The following VDAC1 variants were observed in gnomAD, a reference collection of about 807,000 sequenced individuals.
VDAC1 encodes the protein non-selective voltage-gated ion channel VDAC1.
Under a neutral mutation model 34.7 loss-of-function variants are expected in VDAC1, and 10 were observed. That is an observed-to-expected ratio of 0.29 (90% CI 0.18 to 0.49). The LOEUF (loss-of-function observed/expected upper bound fraction) is 0.49, where lower values mean the gene tolerates loss of function less well. Among genes scored for constraint, VDAC1 ranks in the 20% least tolerant of loss-of-function variants. The pLI is 0.99. For synonymous variants in VDAC1, 130 were observed against 136.0 expected, an observed-to-expected ratio of 0.96 and a Z score of 0.30; for missense variants, 230 against 347.9, an observed-to-expected ratio of 0.66 and a Z score of 2.69.
the VDAC1 span, among the ~76,000 whole-genome samples, chr5:134,026,230 G>A: frequency 2.0e-5 from 3 of 152,154 alleles, no homozygotes; most frequent in African/African-American, 7.2e-5. Context: ...CTAAATGGCT[G>A]GGTGTGGTGG....
the VDAC1 span, among the ~76,000 whole-genome samples, chr5:134,091,100 A>G: frequency 6.6e-6 from 1 of 152,234 alleles, no homozygotes; most frequent in African/African-American, 2.4e-5. Flanking sequence ...AATTAAGGCC[A>G]TAGGGTAGGG....
upstream of VDAC1, among the ~76,000 whole-genome samples, chr5:134,007,953 G>A (rs1175504263): frequency 6.6e-6 from 1 of 152,144 alleles, no homozygotes; most frequent in Non-Finnish European, 1.5e-5. Flanking sequence ...TGTGGGGACA[G>A]GACAATCCTA....
chr5:134,050,466 C>T, the VDAC1 span, among the ~76,000 whole-genome samples: 1 of 152,088 alleles, frequency 6.6e-6, no homozygotes, highest in South Asian at 2.1e-4. Context: ...TTCCAAGCCC[C>T]CCCAGCAACT....
chr5:134,006,838 C>G (rs1753763861), upstream of VDAC1, among the ~76,000 whole-genome samples: 1 of 150,318 alleles, frequency 6.7e-6, no homozygotes, highest in Non-Finnish European at 1.5e-5. Context: ...CCCCTAGGTG[C>G]TAGTTTCAGA....
the VDAC1 span, among the ~76,000 whole-genome samples, chr5:134,097,742 A>T: frequency 6.6e-6 from 1 of 152,200 alleles, no homozygotes; most frequent in Non-Finnish European, 1.5e-5. Context: ...AATGAGGCCC[A>T]CAGACATAGA....
the VDAC1 span, among the ~76,000 whole-genome samples, chr5:134,082,479 C>A: frequency 3.9e-5 from 6 of 152,290 alleles, no homozygotes; most frequent in East Asian, 9.6e-4. Flanking sequence ...TATTGGTAGA[C>A]ATTATGGTTG....
chr5:133,976,211 G>C (rs1343171522), intron 6 of VDAC1, 190 bp from the exon 7 acceptor site: 11 of 644,764 alleles, frequency 1.7e-5, no homozygotes, highest in Non-Finnish European at 2.6e-5. Context: ...TGATAAGTAT[G>C]GAACAGGCAC....
chr5:134,095,171 C>T, the VDAC1 span, among the ~76,000 whole-genome samples: 1 of 152,116 alleles, frequency 6.6e-6, no homozygotes, highest in Non-Finnish European at 1.5e-5. Context: ...ATTTAACATG[C>T]AAATATACGT....
the VDAC1 span, among the ~76,000 whole-genome samples, chr5:134,065,356 TTTTGAGACAGAG>T: frequency 2.0e-5 from 3 of 149,340 alleles, no homozygotes; most frequent in Non-Finnish European, 4.5e-5. Context: ...TTTTTTTTTT[TTTTGAGACAGAG>T]TCTCACTCTA....
the VDAC1 span, among the ~76,000 whole-genome samples, chr5:134,057,689 GAAA>G: frequency 1.5e-5 from 2 of 132,038 alleles, no homozygotes; most frequent in Non-Finnish European, 3.3e-5. Context: ...AACTCCATCT[GAAA>G]AAAAAAAAAA....
At chr5:134,073,080 C>A in the VDAC1 span, among the ~76,000 whole-genome samples, 1 of 152,140 alleles carries the variant, frequency 6.6e-6, no homozygotes. Context: ...GGCTTTTAGG[C>A]CTAGCTGGAA....
chr5:134,076,905 G>A, the VDAC1 span, among the ~76,000 whole-genome samples: 71,469 of 151,652 alleles, frequency 0.47, 17,170 homozygotes, highest in Non-Finnish European at 0.52. Flanking sequence ...AGGAGATCCG[G>A]AGGCAGGTCT....
chr5:133,993,771 C>CA (rs1561594472), intron 1 of VDAC1, among the ~76,000 whole-genome samples: 1 of 152,196 alleles, frequency 6.6e-6, no homozygotes, highest in East Asian at 1.9e-4. Flanking sequence ...AGTCAATCAA[C>CA]AAACATTTAT....
At chr5:134,051,668 G>A in the VDAC1 span, among the ~76,000 whole-genome samples, 1 of 141,368 alleles carries the variant, frequency 7.1e-6, no homozygotes, top group Non-Finnish European at 1.5e-5. Flanking sequence ...TGGGCAGTTT[G>A]TTTTTTTTTT....
In VDAC1 at chr5:133,991,165, G is replaced by C; in HGVS notation, c.118-11C>G. ...TGAGCTTGTAAATTCCTTCAAAGGA[G>C]AGAGAAGAGTCACAGCCTGCACCAT... On this transcript the variant is annotated splice_polypyrimidine_tract_variant and intron_variant, in intron 3 of 8. Transcript: ENST00000265333. The C allele has an allele frequency of 1.9e-6, 3 of 1,607,762 alleles. No homozygotes were observed. The highest frequency in any genetic ancestry group is 2.5e-6 in the Non-Finnish European group (3 of 1,179,982).
At chr5:134,098,204 T>TATC in the VDAC1 span, among the ~76,000 whole-genome samples, 53 of 72,666 alleles carry the variant, frequency 7.3e-4, no homozygotes, top group South Asian at 9.6e-3. Context: ...TTATTATTAT[T>TATC]ATTATTTTGA....
the VDAC1 span, among the ~76,000 whole-genome samples, chr5:134,113,316 G>T: frequency 6.6e-6 from 1 of 152,242 alleles, no homozygotes. Flanking sequence ...GGTGGCGGGG[G>T]AGGGGGGTGT....
chr5:134,015,748 G>A, the VDAC1 span, among the ~76,000 whole-genome samples: 224 of 151,130 alleles, frequency 1.5e-3, 1 homozygote, highest in Middle Eastern at 0.017. Context: ...GGGTTCAAGC[G>A]ATTCTCCTGC....
chr5:134,102,576 G>A, the VDAC1 span, among the ~76,000 whole-genome samples: 67 of 152,222 alleles, frequency 4.4e-4, no homozygotes, highest in Middle Eastern at 3.4e-3. Context: ...GCTGAGGCAG[G>A]AGAATCGCTT....
Sources: allele counts gnomAD v4.1 joint callset (sites outside exome capture counted in the v4.1 genomes callset), GRCh38; gene constraint gnomAD v4.1.1; transcripts MANE v1.5; gene names NCBI Gene and HGNC (gene_info 2026-07-23, HGNC 2026-07-21).